Variants in SCNN1B observed in about 807,000 individuals in gnomAD.
The protein encoded by SCNN1B is sodium channel epithelial 1 subunit beta.
A neutral mutation model predicts 65.3 loss-of-function variants in SCNN1B; 46 were observed. The ratio of observed to expected loss-of-function variants is 0.70; its 90% CI spans 0.56 to 0.90. The LOEUF (loss-of-function observed/expected upper bound fraction) is 0.90. SCNN1B is among the 40% of genes least tolerant of loss of function. The probability of loss-of-function intolerance (pLI) is 0.00; values close to 1 mark genes in which losing one functional copy is unlikely to be tolerated. For missense variants in SCNN1B, 751 were observed against 830.5 expected, an observed-to-expected ratio of 0.90 and a Z score of 1.18; for synonymous variants, 349 against 330.6, an observed-to-expected ratio of 1.06 and a Z score of -0.60.
At chr16:23,289,267 A>G (rs956489030) in intron 2 of SCNN1B, among the ~76,000 whole-genome samples, 3 of 152,172 alleles carry the variant, frequency 2.0e-5, no homozygotes, top group Admixed American at 6.6e-5. Flanking sequence ...ACTCTAAACC[A>G]GTGGAGGCTG....
In SCNN1B at chr16:23,380,768, C is replaced by T. The variant is rs1371372739; in HGVS notation, c.1890C>T (p.Val630=). ...YDSLRLQPLD[V]IESDSEGDAI ...CCCTGCGTCTGCAGCCGCTGGACGT[C>T]ATCGAGTCTGACAGTGAGGGTGATG... The change falls in exon 13 of 13, where the codon GTC becomes GTT. Residue 630 remains valine, a synonymous_variant. Transcript: ENST00000343070. This position sits in a 1 kb window ranked among gnomAD's most constrained non-coding sequence, Gnocchi z 5.4. 2 of 1,612,498 alleles carry T rather than the reference C, an allele frequency of 1.2e-6. No individual in the cohort carries two copies. Among genetic ancestry groups the T allele is most frequent in the African/African-American group, 1.3e-5 (1 of 74,922 alleles).
chr16:23,312,117 G>C (rs1961357767), intron 1 of SCNN1B, among the ~76,000 whole-genome samples: 1 of 152,140 alleles, frequency 6.6e-6, no homozygotes, highest in East Asian at 1.9e-4. Context: ...GCCGATTCCT[G>C]TCCTTAAAAC....
intron 1 of SCNN1B, chr16:23,304,224 ACTGCT>A (rs1355101508): frequency 2.7e-6 from 2 of 746,180 alleles, no homozygotes; most frequent in Non-Finnish European, 4.5e-6. Context: ...TCTCTTTTCC[ACTGCT>A]CACATACGGA....
At chr16:23,278,772 C>G (rs1401060577) in intron 1 of SCNN1B, among the ~76,000 whole-genome samples, 7 of 151,746 alleles carry the variant, frequency 4.6e-5, no homozygotes, top group Non-Finnish European at 1.0e-4. Flanking sequence ...CCCCTCACAT[C>G]TCTACAAAAA....
intron 4 of SCNN1B, among the ~76,000 whole-genome samples, chr16:23,356,046 C>T (rs1344739771): frequency 6.6e-6 from 1 of 152,178 alleles, no homozygotes; most frequent in Non-Finnish European, 1.5e-5. Flanking sequence ...ATAAACTGAA[C>T]CAGAGTGGTC....
rs1340948657 is a variant in SCNN1B at position 23,380,006 on chromosome 16, G to A, written c.1467-88G>A. 6 of 957,972 alleles carry A rather than the reference G, an allele frequency of 6.3e-6. No individual in the cohort carries two copies. Among genetic ancestry groups the A allele is most frequent in the Non-Finnish European group, 1.0e-5 (6 of 582,302 alleles). The allele number at this position is 957,972 out of a possible 1,614,324, so 59.3% of individuals were successfully genotyped here. A position where few individuals can be genotyped will look rare whatever the true frequency, so the allele number is the denominator to read the frequency against. On this transcript the variant is annotated intron_variant, in intron 11 of 12. Coordinates refer to ENST00000343070, the MANE Select transcript of SCNN1B (RefSeq NM_000336.3). This position sits in a 1 kb window ranked among gnomAD's most constrained non-coding sequence, Gnocchi z 5.4. ...CATGTGGGTGTGTGCACGTGCATGT[G>A]TGTGCATGTGTCTATGTGCGTGTGT...
intron 1 of SCNN1B, among the ~76,000 whole-genome samples, chr16:23,333,796 A>G (rs1010904916): frequency 6.7e-6 from 1 of 149,604 alleles, no homozygotes; most frequent in Non-Finnish European, 1.5e-5. Flanking sequence ...ATACAGCAAG[A>G]CCCCATCTCT....
chr16:23,293,800 G>C (rs1238258098), intron 2 of SCNN1B, among the ~76,000 whole-genome samples: 4 of 151,998 alleles, frequency 2.6e-5, no homozygotes, highest in Admixed American at 2.6e-4. Context: ...GCATGCACCT[G>C]TAGTCCCCAA....
intron 1 of SCNN1B, among the ~76,000 whole-genome samples, chr16:23,306,351 T>C (rs1961219884): frequency 6.6e-6 from 1 of 152,144 alleles, no homozygotes; most frequent in African/African-American, 2.4e-5. Context: ...CAAACGGTTA[T>C]GTTGGGCATT....
intron 1 of SCNN1B, among the ~76,000 whole-genome samples, chr16:23,323,140 G>A (rs2141995711): frequency 6.6e-6 from 1 of 152,142 alleles, no homozygotes; most frequent in African/African-American, 2.4e-5. Context: ...AGAGGTTGCA[G>A]TGAGCTGAGA....
At position 23,348,646 on chromosome 16, in the gene SCNN1B, A is replaced by G; in HGVS notation, c.47A>G (p.Lys16Arg). 1 of 1,613,598 alleles carries G rather than the reference A, an allele frequency of 6.2e-7. No homozygotes were observed. Among genetic ancestry groups the G allele is most frequent in the Non-Finnish European group, 8.5e-7 (1 of 1,179,962 alleles). The part of the protein sequence containing the change: ...YLLKGLHRLQ[K>R]GPGYTYKELL... Reference sequence around the variant, plus strand: ...CTGAAGGGCCTGCATCGGCTGCAGAAGGGCCCCGGCTACACGTACAAGGAG... The same window carrying G: ...CTGAAGGGCCTGCATCGGCTGCAGAGGGGCCCCGGCTACACGTACAAGGAG... Residue 16 changes from lysine (K) to arginine (R), a missense_variant, in exon 2 of 13, where the codon AAG (lysine) becomes AGG (arginine). Lys to Arg is a conservative substitution (Grantham distance 26, BLOSUM62 2). Coordinates refer to ENST00000343070, the MANE Select transcript of SCNN1B (RefSeq NM_000336.3). This position sits in a 1 kb window ranked among gnomAD's most constrained non-coding sequence, Gnocchi z 4.5.
chr16:23,283,335 CGA>C (rs1454549220), intron 1 of SCNN1B, among the ~76,000 whole-genome samples: 2 of 152,196 alleles, frequency 1.3e-5, no homozygotes, highest in Non-Finnish European at 2.9e-5. Context: ...CTCTTGAACT[CGA>C]GAGGCAGATG....
intron 1 of SCNN1B, among the ~76,000 whole-genome samples, chr16:23,336,916 C>T (rs1961954693): frequency 6.6e-6 from 1 of 151,456 alleles, no homozygotes; most frequent in African/African-American, 2.4e-5. Flanking sequence ...ACAGATTTAG[C>T]AAAAATTGCA....
chr16:23,375,827 C>T lies in SCNN1B; in HGVS notation c.1242C>T (p.Tyr414=). 6.2e-7 allele frequency: 1 copy of T among 1,613,522 alleles called. No homozygotes were observed. The highest frequency in any genetic ancestry group is 8.5e-7 in the Non-Finnish European group (1 of 1,179,368). Reference sequence around the variant, plus strand: ...ACCCACTGCCCCGTGGGGAGAAATACTGCAACAACCGGGACTTCCCAGACT... The same window carrying T: ...ACCCACTGCCCCGTGGGGAGAAATATTGCAACAACCGGGACTTCCCAGACT... ...YLYPLPRGEK[Y]CNNRDFPDWA... Residue 414 remains tyrosine (Y), a synonymous_variant, in exon 8 of 13, where the codon TAC becomes TAT. Transcript: ENST00000343070.
At chr16:23,373,181 C>A (rs1332119403) in intron 7 of SCNN1B, among the ~76,000 whole-genome samples, 1 of 152,144 alleles carries the variant, frequency 6.6e-6, no homozygotes, top group Non-Finnish European at 1.5e-5. Flanking sequence ...TGCTGTGGTG[C>A]CATCATAGTT....
At chr16:23,353,968 T>C (rs945257019) in intron 3 of SCNN1B, among the ~76,000 whole-genome samples, 1 of 152,202 alleles carries the variant, frequency 6.6e-6, no homozygotes, top group Non-Finnish European at 1.5e-5. Context: ...GGAATCTGTA[T>C]TGACAACAGG....
intron 1 of SCNN1B, among the ~76,000 whole-genome samples, chr16:23,345,266 C>T (rs567537698): frequency 2.0e-4 from 31 of 152,238 alleles, no homozygotes; most frequent in African/African-American, 5.1e-4. Flanking sequence ...AAGGGGCTTG[C>T]GATCTCCCGG....
intron 5 of SCNN1B, among the ~76,000 whole-genome samples, chr16:23,369,764 G>T (rs181545611): frequency 1.5e-4 from 23 of 152,336 alleles, no homozygotes; most frequent in Admixed American, 1.5e-3. Context: ...GATGGTTATA[G>T]TCAGGGAGCC....
chr16:23,319,931 C>T (rs978530558), intron 1 of SCNN1B, among the ~76,000 whole-genome samples: 2 of 152,136 alleles, frequency 1.3e-5, no homozygotes, highest in East Asian at 3.8e-4. Flanking sequence ...CCACGTCCGA[C>T]TAATTTTTGT....
Sources: gnomAD v4.1 joint callset for allele counts (sites outside exome capture counted in the v4.1 genomes callset) on GRCh38, gnomAD v4.1.1 for gene constraint, Gnocchi (gnomAD v3.1) non-coding constraint, MANE v1.5 for transcripts, NCBI Gene and HGNC (gene_info 2026-07-23, HGNC 2026-07-21) for gene names.